PDGFD: variants seen among roughly 807,000 people sequenced by gnomAD.
PDGFD encodes the protein platelet derived growth factor D, also known as platelet-derived growth factor D.
PDGFD carries 30 observed loss-of-function variants against 44.7 expected under a neutral mutation model. The ratio of observed to expected loss-of-function variants is 0.67; its 90% CI spans 0.50 to 0.91. The LOEUF is 0.91. Ranked by LOEUF, PDGFD falls within the 40% of genes least tolerant of loss-of-function variation. The pLI is 0.00. For synonymous variants in PDGFD, 173 were observed against 168.4 expected, an observed-to-expected ratio of 1.03 and a Z score of -0.21; for missense variants, 445 against 457.8, an observed-to-expected ratio of 0.97 and a Z score of 0.25.
At chr11:104,067,734 G>A (rs1360096959) in intron 1 of PDGFD, among the ~76,000 whole-genome samples, 2 of 151,994 alleles carry the variant, frequency 1.3e-5, no homozygotes, top group Non-Finnish European at 2.9e-5. Context: ...TCATGCCCAC[G>A]GTCTAATGAG....
rs144845298 is a variant in PDGFD at position 104,066,858 on chromosome 11, A to T, written c.125-66603T>A. 8.4e-3 allele frequency among the ~76,000 whole-genome samples: 1,286 copies of T among 152,196 alleles called. 23 individuals carry two copies. The highest frequency in any genetic ancestry group is 0.029 in the African/African-American group (1,201 of 41,530). On this transcript the variant is annotated intron_variant, in intron 1 of 6. Coordinates refer to ENST00000393158, the MANE Select transcript of PDGFD (RefSeq NM_025208.5). ...ATATTATTTTCTCTTGAAGACTTTA[A>T]CCAAAAGTACTTATACAACCAAATT...
At chr11:104,051,384 T>C (rs993158614) in intron 1 of PDGFD, among the ~76,000 whole-genome samples, 1 of 152,196 alleles carries the variant, frequency 6.6e-6, no homozygotes, top group Admixed American at 6.5e-5. Context: ...AGTGGGGTGC[T>C]GTAGGCATTG....
chr11:104,099,757 T>A (rs77434754), intron 1 of PDGFD, among the ~76,000 whole-genome samples: 10,676 of 151,634 alleles, frequency 0.07, 645 homozygotes, highest in African/African-American at 0.17. Context: ...TTCTGAAATT[T>A]TGGTTAAATC....
At chr11:104,013,526 C>T (rs2134376513) in intron 1 of PDGFD, among the ~76,000 whole-genome samples, 1 of 152,250 alleles carries the variant, frequency 6.6e-6, no homozygotes, top group African/African-American at 2.4e-5. Context: ...TTGAGTGCAG[C>T]AGCCAGTCAG....
At chr11:103,910,902 T>C (rs948108231) in intron 6 of PDGFD, among the ~76,000 whole-genome samples, 1 of 151,722 alleles carries the variant, frequency 6.6e-6, no homozygotes, top group African/African-American at 2.4e-5. Flanking sequence ...GGGAGGGGCG[T>C]CTGCCATTGC....
At chr11:103,992,367 A>T (rs1433903772) in intron 3 of PDGFD, among the ~76,000 whole-genome samples, 1 of 152,230 alleles carries the variant, frequency 6.6e-6, no homozygotes, top group Non-Finnish European at 1.5e-5. Flanking sequence ...ACAGATATAT[A>T]CATAATTTGT....
At chr11:104,155,455 T>C (rs7126071) in intron 1 of PDGFD, among the ~76,000 whole-genome samples, 28,621 of 152,108 alleles carry the variant, frequency 0.19, 2,831 homozygotes, top group East Asian at 0.29. Flanking sequence ...CCTGGAAATA[T>C]AAGAGGAGGC....
intron 1 of PDGFD, among the ~76,000 whole-genome samples, chr11:104,079,750 C>T (rs769769468): frequency 3.3e-5 from 5 of 151,858 alleles, no homozygotes; most frequent in Non-Finnish European, 7.4e-5. Flanking sequence ...TTTACCAATA[C>T]ATCTATAGTG....
intron 1 of PDGFD, among the ~76,000 whole-genome samples, chr11:104,103,449 T>TGC: frequency 4.8e-5 from 2 of 41,450 alleles, no homozygotes; most frequent in African/African-American, 2.4e-4. Context: ...CAGACAATTA[T>TGC]GTGTGTGTGT....
At chr11:103,984,412 G>T (rs1033274545) in intron 3 of PDGFD, among the ~76,000 whole-genome samples, 9 of 151,536 alleles carry the variant, frequency 5.9e-5, no homozygotes, top group Admixed American at 5.3e-4. Flanking sequence ...CCTTTCAAAG[G>T]GTGGAGTGGT....
chr11:104,155,957 T>C lies in PDGFD; in HGVS notation c.124+7847A>G, dbSNP rs1005355438. Among the ~76,000 whole-genome samples, 10 of 152,150 alleles carry C rather than the reference T, an allele frequency of 6.6e-5. 1 individual carries two copies. Among genetic ancestry groups the C allele is most frequent in the Admixed American group, 2.0e-4 (3 of 15,268 alleles). On this transcript the variant is annotated intron_variant, in intron 1 of 6. Coordinates refer to ENST00000393158, the MANE Select transcript of PDGFD (RefSeq NM_025208.5). ...CAAAGAAGGCATGCTACATTTCAAA[T>C]CTTAAATATTCAGGATCCTAATATA...
chr11:104,006,920 G>T (rs260868), intron 1 of PDGFD, among the ~76,000 whole-genome samples: 75,062 of 151,930 alleles, frequency 0.49, 19,114 homozygotes, highest in Admixed American at 0.61. Context: ...CAAGGACCTG[G>T]GTACCAAGAG....
chr11:104,093,733 AAC>A (rs1432582105), intron 1 of PDGFD, among the ~76,000 whole-genome samples: 2 of 151,512 alleles, frequency 1.3e-5, no homozygotes, highest in Non-Finnish European at 2.9e-5. Context: ...ACATCTCCAA[AAC>A]ACAGAATGTC....
At chr11:103,984,923 TATTTATTTAATATATAACATATTA>T (rs1298879172) in intron 3 of PDGFD, among the ~76,000 whole-genome samples, 11 of 129,554 alleles carry the variant, frequency 8.5e-5, no homozygotes, top group African/African-American at 2.9e-4. Flanking sequence ...AATATATTTA[TATTTATTTAATATATAACATATTA>T]ATTTATTTAA....
intron 1 of PDGFD, among the ~76,000 whole-genome samples, chr11:104,017,213 C>A (rs1373514452): frequency 1.3e-5 from 2 of 152,172 alleles, no homozygotes; most frequent in Admixed American, 6.5e-5. Flanking sequence ...TTTTGAACTT[C>A]CCAGCCTGTA....
At chr11:104,157,290 T>C in intron 1 of PDGFD, among the ~76,000 whole-genome samples, 1 of 152,184 alleles carries the variant, frequency 6.6e-6, no homozygotes, top group East Asian at 1.9e-4. Flanking sequence ...TGATTCCATC[T>C]GTATTCATGT....
intron 1 of PDGFD, among the ~76,000 whole-genome samples, chr11:104,012,518 C>T (rs542114783): frequency 5.9e-5 from 9 of 152,250 alleles, no homozygotes; most frequent in East Asian, 1.9e-4. Context: ...GGTCATACAA[C>T]GGATGGTGTT....
At chr11:104,011,796 G>T (rs144528296) in intron 1 of PDGFD, among the ~76,000 whole-genome samples, 3 of 151,972 alleles carry the variant, frequency 2.0e-5, no homozygotes, top group Non-Finnish European at 4.4e-5. Flanking sequence ...TATGGAAAAA[G>T]AAATGAAAAT....
chr11:104,042,523 T>A (rs944583546), intron 1 of PDGFD, among the ~76,000 whole-genome samples: 42 of 152,334 alleles, frequency 2.8e-4, no homozygotes, highest in African/African-American at 1.0e-3. Context: ...GAGAAAGACT[T>A]TTATAAATCC....
Sources: allele counts gnomAD v4.1 joint callset (sites outside exome capture counted in the v4.1 genomes callset), GRCh38; gene constraint gnomAD v4.1.1; transcripts MANE v1.5; gene names NCBI Gene and HGNC (gene_info 2026-07-23, HGNC 2026-07-21).